PLEKHG4B: variants seen among roughly 807,000 people sequenced by gnomAD.
The protein encoded by PLEKHG4B is pleckstrin homology domain-containing family G member 4B.
Under a neutral mutation model 121.3 loss-of-function variants are expected in PLEKHG4B, and 111 were observed. That is an observed-to-expected ratio of 0.92 (90% confidence interval 0.78 to 1.07). The LOEUF is 1.07. Among genes scored for constraint, PLEKHG4B ranks in the 50% least tolerant of loss-of-function variants. PLEKHG4B has a pLI of 0.00. For synonymous variants in PLEKHG4B, 738 were observed against 725.0 expected, an observed-to-expected ratio of 1.02 and a Z score of -0.29; for missense variants, 1,831 against 1,757.8, an observed-to-expected ratio of 1.04 and a Z score of -0.74.
At chr5:119,870 G>C (rs1272708899) in intron 2 of PLEKHG4B, among the ~76,000 whole-genome samples, 2 of 152,170 alleles carry the variant, frequency 1.3e-5, no homozygotes, top group Non-Finnish European at 2.9e-5. Flanking sequence ...TCTCTACCAA[G>C]TAATTCTCTT....
intron 1 of PLEKHG4B, among the ~76,000 whole-genome samples, chr5:106,345 C>G (rs1323018431): frequency 1.3e-5 from 2 of 152,142 alleles, no homozygotes; most frequent in East Asian, 1.9e-4. Context: ...TGACAGCTCC[C>G]CCATCCAGCC....
chr5:126,910 T>A (rs1486568977), intron 2 of PLEKHG4B, among the ~76,000 whole-genome samples: 2 of 152,182 alleles, frequency 1.3e-5, no homozygotes, highest in Non-Finnish European at 2.9e-5. Context: ...GGAGGTGGTA[T>A]TCCATTTACA....
intron 2 of PLEKHG4B, among the ~76,000 whole-genome samples, chr5:118,294 C>T (rs1368390012): frequency 1.3e-5 from 2 of 152,138 alleles, no homozygotes; most frequent in Non-Finnish European, 2.9e-5. Context: ...GAGATTTCAC[C>T]TCTCTCAAAA....
At chr5:154,832 G>A (rs1579296944) in intron 7 of PLEKHG4B, 43 bp from the exon 8 acceptor site, 1 of 1,448,326 alleles carries the variant, frequency 6.9e-7, no homozygotes, top group African/African-American at 1.4e-5. Context: ...GCCCCCAAGA[G>A]ATGCATCTGG....
chr5:92,193 T>G lies in PLEKHG4B; in HGVS notation c.-39T>G, dbSNP rs1733472295. Reference sequence around the variant, plus strand: ...AGTGCACAGCGGGACCAGGCAGAGTTCGGGGAAAGCGTCGGAGTTCGGGAG... The same window carrying G: ...AGTGCACAGCGGGACCAGGCAGAGTGCGGGGAAAGCGTCGGAGTTCGGGAG... On this transcript the variant is annotated 5_prime_UTR_variant, in exon 1 of 20. Transcript: ENST00000637938. 4 of 373,148 alleles carry G rather than the reference T, an allele frequency of 1.1e-5. No individual in the cohort carries two copies. Among genetic ancestry groups the G allele is most frequent in the Non-Finnish European group, 1.9e-5 (4 of 210,804 alleles). 23.1% of individuals were successfully genotyped at this position (373,148 alleles called of 1,614,324 possible). A position where few individuals can be genotyped will look rare whatever the true frequency, so the allele number is the denominator to read the frequency against.
At chr5:92,488 G>C (rs113890567) in intron 1 of PLEKHG4B, among the ~76,000 whole-genome samples, 3 of 129,668 alleles carry the variant, frequency 2.3e-5, no homozygotes, top group Admixed American at 7.5e-5. Flanking sequence ...GGGGCGCGGG[G>C]GTAGGGGCGG....
In PLEKHG4B at chr5:162,975, C is replaced by T. The variant is rs371488650; in HGVS notation, c.2903C>T (p.Pro968Leu). The change falls in exon 13 of 20, where the codon CCG (proline) becomes CTG (leucine). Residue 968 changes from proline (P) to leucine (L), a missense_variant. Coordinates refer to ENST00000637938, the MANE Select transcript of PLEKHG4B (RefSeq NM_052909.5). ...GAGGCTGCCCCAGACCCCAGCTTAC[C>T]GCCCCTTGCCCAGAGCCCCCCAAAG... ...LSEAAPDPSL[P>L]PLAQSPPKHE... 114 of 1,565,928 alleles carry T rather than the reference C, an allele frequency of 7.3e-5. No homozygotes were observed. The highest frequency in any genetic ancestry group is 3.9e-4 in the Admixed American group (21 of 53,638).
rs144699584 is a variant in PLEKHG4B, at chr5:146,968, G to A, written c.1905+2048G>A. Reference sequence around the variant, plus strand: ...ACTTGGAGGAGACAGGCTCAGTCATGACCCCCCTTACAGAGTGGGATCCAC... The same window carrying A: ...ACTTGGAGGAGACAGGCTCAGTCATAACCCCCCTTACAGAGTGGGATCCAC... On this transcript the variant is annotated intron_variant, in intron 6 of 19. Coordinates refer to ENST00000637938, the MANE Select transcript of PLEKHG4B (RefSeq NM_052909.5). Among the ~76,000 whole-genome samples, 417 of 152,206 alleles carry A rather than the reference G, an allele frequency of 2.7e-3. 4 individuals are homozygous for A. Among genetic ancestry groups the A allele is most frequent in the African/African-American group, 9.5e-3 (395 of 41,524 alleles).
chr5:162,799 C>A lies in PLEKHG4B; in HGVS notation c.2727C>A (p.His909Gln). The A allele has an allele frequency of 6.7e-7, 1 of 1,499,408 alleles. No individual in the cohort carries two copies. The highest frequency in any genetic ancestry group is 8.9e-7 in the Non-Finnish European group (1 of 1,125,008). 92.9% of individuals were successfully genotyped at this position (1,499,408 alleles called of 1,614,324 possible). ...TGGCTGAGTGTTTGAGGAGCTGTCA[C>A]CAGGAGGCTACCTCGGTGGCTGCAG... ...SPVAECLRSC[H>Q]QEATSVAAEA... Residue 909 changes from histidine (H) to glutamine (Q), a missense_variant, in exon 13 of 20, where the codon CAC (histidine) becomes CAA (glutamine). His to Gln is a conservative substitution (Grantham distance 24, BLOSUM62 0). Coordinates refer to ENST00000637938, the MANE Select transcript of PLEKHG4B (RefSeq NM_052909.5).
In PLEKHG4B at chr5:144,827, G is replaced by A; in HGVS notation, c.1812G>A (p.Arg604=). 1.2e-6 allele frequency: 2 copies of A among 1,612,870 alleles called. No homozygotes were observed. Among genetic ancestry groups the A allele is most frequent in the East Asian group, 2.2e-5 (1 of 44,878 alleles). Residue 604 remains arginine, a splice_region_variant and synonymous_variant, in exon 6 of 20, where the codon AGG becomes AGA. Coordinates refer to ENST00000637938, the MANE Select transcript of PLEKHG4B (RefSeq NM_052909.5). ...AGATGGGCTGTCTTTCCCTCCCCAG[G>A]AAAGAGGTCCGGGACCTGGGGCTGG... is the stretch of plus-strand genomic sequence containing the variant. ...RLLLYFHSIP[R]KEVRDLGLVV...
chr5:133,657 G>C (rs1403789551), intron 2 of PLEKHG4B, among the ~76,000 whole-genome samples: 2 of 152,058 alleles, frequency 1.3e-5, no homozygotes, highest in Non-Finnish European at 2.9e-5. Flanking sequence ...ATGTGGTAAA[G>C]AGGGAACACT....
At chr5:112,425 A>G (rs903198890) in intron 1 of PLEKHG4B, among the ~76,000 whole-genome samples, 5 of 152,188 alleles carry the variant, frequency 3.3e-5, no homozygotes, top group African/African-American at 1.2e-4. Flanking sequence ...ATAAAAACTG[A>G]CTTCACAATT....
intron 2 of PLEKHG4B, among the ~76,000 whole-genome samples, chr5:133,922 G>GCACACACA (rs776876090): frequency 2.1e-5 from 3 of 140,942 alleles, no homozygotes; most frequent in South Asian, 4.5e-4. Flanking sequence ...TGACACACAC[G>GCACACACA]CACACACACA....
Position 161,980 on chromosome 5 carries a change from C to T in PLEKHG4B, c.2649+36C>T, listed in dbSNP as rs367596281. Reference sequence around the variant, plus strand: ...CAGTGGGCGTGCGTCCCAGGGATCCCGGCTCCTTAGGCTGTGGACATCTAG... The same window carrying T: ...CAGTGGGCGTGCGTCCCAGGGATCCTGGCTCCTTAGGCTGTGGACATCTAG... On this transcript the variant is annotated intron_variant, in intron 12 of 19. Transcript: ENST00000637938. The T allele has an allele frequency of 2.3e-4, 362 of 1,572,910 alleles. 2 individuals carry two copies. The highest frequency in any genetic ancestry group is 1.0e-3 in the South Asian group (87 of 85,492).
intron 2 of PLEKHG4B, among the ~76,000 whole-genome samples, chr5:128,833 C>T (rs1484274535): frequency 1.3e-5 from 2 of 152,124 alleles, no homozygotes. Context: ...AGTCCCCCAC[C>T]AACTGAACAG....
At chr5:165,244 G>C (rs1312116394) in intron 13 of PLEKHG4B, among the ~76,000 whole-genome samples, 2 of 29,374 alleles carry the variant, frequency 6.8e-5, no homozygotes, top group Admixed American at 3.0e-4. Context: ...TCACACTAAT[G>C]CTCTGACGGG....
In PLEKHG4B at chr5:151,410, G is replaced by A. The variant is rs138398247; in HGVS notation, c.1906-103G>A. The A allele has an allele frequency of 8.5e-4, 569 of 667,346 alleles. 4 individuals are homozygous for A. The African/African-American group carries it at 9.2e-3, about 11-fold the overall frequency. The allele number at this position is 667,346 out of a possible 1,614,324, so 41.3% of individuals were successfully genotyped here. On this transcript the variant is annotated intron_variant, in intron 6 of 19. Transcript: ENST00000637938. ...TGTTTTATGCACTGTAGGCACTCTG[G>A]GAAACTATGACAGAAGTAGTACCAC...
chr5:143,451 T>A lies in PLEKHG4B; in HGVS notation c.1759T>A (p.Ser587Thr). The change falls in exon 5 of 20, where the codon TCG (serine) becomes ACG (threonine). Residue 587 changes from serine to threonine, a missense_variant. By Grantham distance (58) the Ser-to-Thr change is moderately conservative (BLOSUM62 1). Coordinates refer to ENST00000637938, the MANE Select transcript of PLEKHG4B (RefSeq NM_052909.5). ...GAGCCTGCTCTGGACCAGGGAACAC[T>A]CGTCCTGTGCTGAGCTGACCCGCCT... The part of the protein sequence containing the change: ...TRSLLWTREH[S>T]SCAELTRLLL... 1.2e-6 allele frequency: 2 copies of A among 1,612,876 alleles called. No individual in the cohort carries two copies. Among genetic ancestry groups the A allele is most frequent in the Non-Finnish European group, 1.7e-6 (2 of 1,179,996 alleles).
Position 157,117 on chromosome 5 carries a change from G to A in PLEKHG4B, c.2487+206G>A, listed in dbSNP as rs1002201315. 4.8e-5 allele frequency: 36 copies of A among 755,424 alleles called. No individual in the cohort carries two copies. Among genetic ancestry groups the A allele is most frequent in the African/African-American group, 4.8e-4 (27 of 56,666 alleles). 46.8% of individuals were successfully genotyped at this position (755,424 alleles called of 1,614,324 possible). On this transcript the variant is annotated intron_variant, in intron 11 of 19. Coordinates refer to ENST00000637938, the MANE Select transcript of PLEKHG4B (RefSeq NM_052909.5). This position sits in a 1 kb window ranked among gnomAD's most constrained non-coding sequence, Gnocchi z 4.6. ...TTACGTGAGAGATACTGGATCAGTGGAGAAAAAAAATTTGTTTAATCCAGA... is the reference window on the plus strand; with the variant it reads ...TTACGTGAGAGATACTGGATCAGTGAAGAAAAAAAATTTGTTTAATCCAGA...
Sources: gnomAD v4.1 joint callset for allele counts (sites outside exome capture counted in the v4.1 genomes callset) on GRCh38, gnomAD v4.1.1 for gene constraint, Gnocchi (gnomAD v3.1) non-coding constraint, MANE v1.5 for transcripts, NCBI Gene and HGNC (gene_info 2026-07-23, HGNC 2026-07-21) for gene names.